Variants in GLIS3 observed in about 807,000 individuals in gnomAD.
GLIS3 encodes zinc finger protein GLIS3.
In GLIS3, 53 loss-of-function variants were observed where a neutral mutation model predicts 78.6. That is an observed-to-expected ratio of 0.67 (90% CI 0.54 to 0.85). The LOEUF is 0.85. Ranked by LOEUF, GLIS3 falls within the 40% of genes least tolerant of loss-of-function variation. The pLI is 0.00. For missense variants in GLIS3, 1,703 were observed against 1,231.1 expected (o/e 1.38, Z -5.74); for synonymous variants, 684 against 509.9 (o/e 1.34, Z -4.60).
intron 4 of GLIS3, among the ~76,000 whole-genome samples, chr9:4,308,148 G>A (rs1479438595): frequency 6.6e-6 from 1 of 152,070 alleles, no homozygotes; most frequent in African/African-American, 2.4e-5. Flanking sequence ...GAGCATTGTG[G>A]CTTGGTGTCA....
intron 9 of GLIS3, chr9:3,855,375 G>A (rs925899032): frequency 6.5e-6 from 1 of 154,906 alleles, no homozygotes; most frequent in African/African-American, 2.4e-5. Context: ...GCTGTGTTAA[G>A]TTCCCTAAAA....
the GLIS3 span, among the ~76,000 whole-genome samples, chr9:4,388,954 G>A: frequency 6.6e-6 from 1 of 152,120 alleles, no homozygotes; most frequent in African/African-American, 2.4e-5. Flanking sequence ...GTCAGAAAGT[G>A]AAGAAAAGGG....
chr9:4,183,407 CAA>C (rs1032603129), intron 2 of GLIS3, among the ~76,000 whole-genome samples: 2 of 152,186 alleles, frequency 1.3e-5, no homozygotes, highest in African/African-American at 4.8e-5. Context: ...ATATTCTGAG[CAA>C]AGACTCCATG....
intron 4 of GLIS3, among the ~76,000 whole-genome samples, chr9:3,973,512 C>A (rs1392688354): frequency 6.6e-6 from 1 of 152,078 alleles, no homozygotes; most frequent in East Asian, 1.9e-4. Flanking sequence ...ATATGAATTA[C>A]CTCCCAGAAG....
intron 6 of GLIS3, among the ~76,000 whole-genome samples, chr9:3,905,480 C>A (rs972933812): frequency 6.6e-6 from 1 of 152,102 alleles, no homozygotes; most frequent in Non-Finnish European, 1.5e-5. Flanking sequence ...ACAGAATGGA[C>A]CACTTCTGTT....
At chr9:4,354,342 C>G in the GLIS3 span, among the ~76,000 whole-genome samples, 1 of 152,182 alleles carries the variant, frequency 6.6e-6, no homozygotes. Flanking sequence ...CACCTCTCTT[C>G]ATGCCATATG....
rs530096982 is a variant in GLIS3 at position 4,087,227 on chromosome 9, A to T, written c.1710+30541T>A. Among the ~76,000 whole-genome samples the T allele has an allele frequency of 1.9e-4, 29 of 152,364 alleles. 1 individual carries two copies. Among genetic ancestry groups the T allele is most frequent in the African/African-American group, 6.7e-4 (28 of 41,586 alleles). On this transcript the variant is annotated intron_variant, in intron 4 of 10. Transcript: ENST00000381971. ...GGTCAGATGAGTACAGAGGTAGAAC[A>T]GCTATAAAAATGTATCAGCTGTTTT...
At chr9:4,335,077 T>A (rs1011126813) in intron 2 of GLIS3, among the ~76,000 whole-genome samples, 46 of 151,854 alleles carry the variant, frequency 3.0e-4, no homozygotes, top group African/African-American at 1.0e-3. Context: ...CCTGGCTAAT[T>A]TTTTGTGTTT....
At chr9:3,932,938 G>A (rs1427142354) in intron 5 of GLIS3, 1 of 299,200 alleles carries the variant, frequency 3.3e-6, no homozygotes, top group Non-Finnish European at 6.7e-6. Flanking sequence ...AAAGAGAAAG[G>A]GAGAGAATTA....
intron 2 of GLIS3, among the ~76,000 whole-genome samples, chr9:4,177,489 T>G (rs898221749): frequency 2.6e-5 from 4 of 152,190 alleles, no homozygotes; most frequent in African/African-American, 9.7e-5. Context: ...CAGGTGAAGG[T>G]GCTGGAGCTG....
chr9:4,112,385 C>T (rs1356029315), intron 4 of GLIS3, among the ~76,000 whole-genome samples: 1 of 152,184 alleles, frequency 6.6e-6, no homozygotes, highest in Non-Finnish European at 1.5e-5. Context: ...ATGTACTCTA[C>T]TAAACACTAC....
chr9:4,245,420 G>T (rs16920979), intron 2 of GLIS3, among the ~76,000 whole-genome samples: 2,550 of 152,228 alleles, frequency 0.017, 41 homozygotes, highest in Admixed American at 0.029. Context: ...CAATTTTCAG[G>T]TTCTACATGT....
At position 4,286,375 on chromosome 9, in the gene GLIS3, T is replaced by C. The variant is rs921492144; in HGVS notation, c.51A>G (p.Pro17=). Reference sequence around the variant, plus strand: ...GACCACTGACCATCCTAGGCCCCTGTGGGGTTCCCGATGTCCGGTGGAGAC... The same window carrying C: ...GACCACTGACCATCCTAGGCCCCTGCGGGGTTCCCGATGTCCGGTGGAGAC... ...SMSLHRTSGT[P]QGPRMVSGHH... is the part of the protein sequence containing the mutation. The change falls in exon 2 of 11, where the codon CCA becomes CCG. Residue 17 remains proline (P), a synonymous_variant. Coordinates refer to ENST00000381971, the MANE Select transcript of GLIS3 (RefSeq NM_001042413.2). 1.9e-6 allele frequency: 3 copies of C among 1,614,086 alleles called. No individual in the cohort carries two copies. Among genetic ancestry groups the C allele is most frequent in the Non-Finnish European group, 2.5e-6 (3 of 1,180,050 alleles).
intron 2 of GLIS3, among the ~76,000 whole-genome samples, chr9:4,197,248 A>G (rs1027133099): frequency 7.3e-5 from 11 of 151,350 alleles, no homozygotes; most frequent in Non-Finnish European, 1.2e-4. Context: ...CCCTATGCAG[A>G]GATGCTGTGC....
At chr9:3,943,781 G>A (rs926312749) in intron 4 of GLIS3, among the ~76,000 whole-genome samples, 4 of 152,186 alleles carry the variant, frequency 2.6e-5, no homozygotes, top group African/African-American at 4.8e-5. Flanking sequence ...CACTGAGTGC[G>A]TGCCGGTCAT....
rs148814000 is a variant in GLIS3, at chr9:4,187,300, A to T, written c.389-61359T>A. On this transcript the variant is annotated intron_variant, in intron 2 of 10. Transcript: ENST00000381971. Reference sequence around the variant, plus strand: ...TTCTCAGGTTTGTCAAAGATCAGATACTTGTAGATATGCTGCGTTATTTCT... The same window carrying T: ...TTCTCAGGTTTGTCAAAGATCAGATTCTTGTAGATATGCTGCGTTATTTCT... Among the ~76,000 whole-genome samples the T allele has an allele frequency of 2.4e-3, 373 of 152,280 alleles. 1 individual carries two copies. The highest frequency in any genetic ancestry group is 7.8e-3 in the African/African-American group (323 of 41,572).
At chr9:3,935,714 CAATT>C (rs1439371563) in intron 5 of GLIS3, among the ~76,000 whole-genome samples, 1 of 152,106 alleles carries the variant, frequency 6.6e-6, no homozygotes, top group Non-Finnish European at 1.5e-5. Flanking sequence ...CATTTTAACA[CAATT>C]TATTCTTTTT....
At chr9:4,437,576 A>C in the GLIS3 span, among the ~76,000 whole-genome samples, 1 of 152,202 alleles carries the variant, frequency 6.6e-6, no homozygotes, top group Non-Finnish European at 1.5e-5. Context: ...AGCTGGCCCA[A>C]AGTCGCAAAA....
intron 2 of GLIS3, among the ~76,000 whole-genome samples, chr9:4,230,112 G>A (rs931506460): frequency 4.6e-5 from 7 of 152,224 alleles, no homozygotes; most frequent in Non-Finnish European, 1.0e-4. Context: ...TATAGGTCAG[G>A]TCAAGTCAGT....
Sources: gnomAD v4.1 joint callset for allele counts (sites outside exome capture counted in the v4.1 genomes callset) on GRCh38, gnomAD v4.1.1 for gene constraint, MANE v1.5 for transcripts, NCBI Gene and HGNC (gene_info 2026-07-23, HGNC 2026-07-21) for gene names.